HNF4G: variants seen among roughly 807,000 people sequenced by gnomAD.
The protein encoded by HNF4G is hepatocyte nuclear factor 4-gamma.
Under a neutral mutation model 50.9 loss-of-function variants are expected in HNF4G, and 21 were observed. The ratio of observed to expected loss-of-function variants is 0.41; its 90% CI spans 0.29 to 0.59. The LOEUF (loss-of-function observed/expected upper bound fraction) is 0.59. Ranked by LOEUF, HNF4G falls within the 20% of genes least tolerant of loss-of-function variation. The pLI, the probability that HNF4G is intolerant of heterozygous loss-of-function variation, is 0.26. For synonymous variants in HNF4G, 198 were observed against 185.6 expected (o/e 1.07, Z -0.54); for missense variants, 527 against 559.4 (o/e 0.94, Z 0.58).
chr8:75,426,126 C>G (rs1229430185), intron 1 of HNF4G, among the ~76,000 whole-genome samples: 1 of 152,192 alleles, frequency 6.6e-6, no homozygotes, highest in Non-Finnish European at 1.5e-5. Flanking sequence ...CATTTCCTTT[C>G]TTTCCGTATA....
chr8:75,540,966 G>A (rs1309494230), intron 1 of HNF4G, among the ~76,000 whole-genome samples: 1 of 151,294 alleles, frequency 6.6e-6, no homozygotes, highest in African/African-American at 2.4e-5. Context: ...CTGGTGTTCT[G>A]GTTCTATTTT....
chr8:75,551,245 G>C, intron 3 of HNF4G, 143 bp from the exon 4 acceptor site: 1 of 557,028 alleles, frequency 1.8e-6, no homozygotes, highest in Non-Finnish European at 3.2e-6. Context: ...GAAAGTAGTG[G>C]AGAATGAAAA....
intron 1 of HNF4G, among the ~76,000 whole-genome samples, chr8:75,481,300 T>C (rs1812371468): frequency 6.6e-6 from 1 of 152,190 alleles, no homozygotes; most frequent in Non-Finnish European, 1.5e-5. Flanking sequence ...GGAGTTACCA[T>C]ACAAATTTTG....
chr8:75,443,076 T>A (rs1444778078), intron 1 of HNF4G, among the ~76,000 whole-genome samples: 1 of 152,132 alleles, frequency 6.6e-6, no homozygotes, highest in African/African-American at 2.4e-5. Context: ...CCTTCGAGAA[T>A]GGGATTAGTT....
intron 1 of HNF4G, among the ~76,000 whole-genome samples, chr8:75,430,397 T>C (rs996169026): frequency 1.3e-5 from 2 of 151,846 alleles, no homozygotes; most frequent in East Asian, 1.9e-4. Context: ...TACAAATACC[T>C]CTGCATGAAT....
intron 1 of HNF4G, among the ~76,000 whole-genome samples, chr8:75,488,419 G>A (rs6991842): frequency 0.16 from 23,990 of 151,802 alleles, 3,165 homozygotes; most frequent in African/African-American, 0.36. Flanking sequence ...GACTACAGGC[G>A]TGTGCCACCA....
At chr8:75,486,811 C>T (rs902681260) in intron 1 of HNF4G, among the ~76,000 whole-genome samples, 9 of 151,928 alleles carry the variant, frequency 5.9e-5, no homozygotes, top group Non-Finnish European at 1.0e-4. Context: ...TGAGACCACC[C>T]GGGCAACAGA....
chr8:75,547,952 G>C (rs1449966368), intron 3 of HNF4G, among the ~76,000 whole-genome samples: 1 of 151,430 alleles, frequency 6.6e-6, no homozygotes, highest in East Asian at 1.9e-4. Flanking sequence ...TTGACTAAAT[G>C]GTATACCAAT....
chr8:75,531,738 G>A (rs1176528605), intron 2 of HNF4G, among the ~76,000 whole-genome samples: 1 of 151,864 alleles, frequency 6.6e-6, no homozygotes, highest in African/African-American at 2.4e-5. Flanking sequence ...CATTGTATTA[G>A]GTACTCTAAA....
Position 75,564,071 on chromosome 8 carries a change from A to G in HNF4G, c.1343A>G (p.His448Arg). 1.2e-6 allele frequency: 2 copies of G among 1,613,610 alleles called. No homozygotes were observed. The highest frequency in any genetic ancestry group is 8.5e-7 in the Non-Finnish European group (1 of 1,179,636). ...ANQASVISHQHLSKQKQL is the reference protein window; with the variant it reads ...ANQASVISHQRLSKQKQL ...CAAGCATCAGTCATTTCACACCAGCATCTCTCCAAACAAAAGCAATTGTGA... is the reference window on the plus strand; with the variant it reads ...CAAGCATCAGTCATTTCACACCAGCGTCTCTCCAAACAAAAGCAATTGTGA... Residue 448 changes from histidine (H) to arginine (R), a missense_variant, in exon 10 of 10, where the codon CAT becomes CGT. Around this residue, in one of 5 missense-constraint regions of HNF4G, gnomAD observed 308 missense variants for 301.5 expected, o/e 1.02. Coordinates refer to ENST00000396423, the MANE Select transcript of HNF4G (RefSeq NM_004133.5).
At chr8:75,485,949 G>A (rs1171759753) in intron 1 of HNF4G, 1 of 152,162 alleles carries the variant, frequency 6.6e-6, no homozygotes, top group African/African-American at 2.4e-5. Flanking sequence ...AAGTCATACT[G>A]CCGACACAGA....
chr8:75,428,904 T>C (rs966783130), intron 1 of HNF4G, among the ~76,000 whole-genome samples: 1 of 152,030 alleles, frequency 6.6e-6, no homozygotes, highest in African/African-American at 2.4e-5. Context: ...AAAAATGGAT[T>C]GGGTGGAGGC....
chr8:75,544,191 G>A (rs917932530), intron 2 of HNF4G, among the ~76,000 whole-genome samples: 1 of 152,138 alleles, frequency 6.6e-6, no homozygotes, highest in Non-Finnish European at 1.5e-5. Flanking sequence ...CTTACAGAAG[G>A]TATATAAAAA....
intron 6 of HNF4G, 42 bp from the exon 7 acceptor site, chr8:75,558,476 G>T: frequency 6.3e-7 from 1 of 1,575,490 alleles, no homozygotes; most frequent in East Asian, 2.2e-5. Flanking sequence ...GGGGAGACAG[G>T]TGGTTATTTT....
intron 9 of HNF4G, among the ~76,000 whole-genome samples, chr8:75,560,776 C>T (rs1025907981): frequency 1.3e-5 from 2 of 152,136 alleles, no homozygotes; most frequent in African/African-American, 4.8e-5. Flanking sequence ...CAAGCTGAAA[C>T]CATGCAAGGG....
intron 2 of HNF4G, among the ~76,000 whole-genome samples, chr8:75,523,550 A>G (rs1563539939): frequency 1.3e-5 from 2 of 152,210 alleles, no homozygotes; most frequent in Non-Finnish European, 2.9e-5. Context: ...ATAAACAATA[A>G]ATATAGAAGA....
chr8:75,412,448 T>G (rs1810522625), intron 1 of HNF4G, among the ~76,000 whole-genome samples: 1 of 152,230 alleles, frequency 6.6e-6, no homozygotes, highest in African/African-American at 2.4e-5. Flanking sequence ...CTGTTGAATG[T>G]TTGACACTTC....
In HNF4G at chr8:75,556,031, CAA is replaced by C; in HGVS notation, c.697_698del (p.Lys233GlufsTer6). On this transcript the variant is annotated frameshift_variant, in exon 6 of 10. Coordinates refer to ENST00000396423, the MANE Select transcript of HNF4G (RefSeq NM_004133.5). LOFTEE classifies it high-confidence loss of function. ...GGGGAGCACTTACTGCTTGGAGCTA[CAA>C]AGAGATCCATGATGTATAAAGATAT... 6.3e-7 allele frequency: 1 copy of C among 1,584,580 alleles called. No homozygotes were observed. The highest frequency in any genetic ancestry group is 8.6e-7 in the Non-Finnish European group (1 of 1,164,682).
chr8:75,507,325 T>C (rs1352808762), intron 2 of HNF4G, among the ~76,000 whole-genome samples: 3 of 151,400 alleles, frequency 2.0e-5, no homozygotes, highest in Non-Finnish European at 4.4e-5. Flanking sequence ...AGCGGCGTGA[T>C]CTTGGCTCAC....
Sources: allele counts gnomAD v4.1 joint callset (sites outside exome capture counted in the v4.1 genomes callset), GRCh38; gene constraint gnomAD v4.1.1; regional missense constraint gnomAD v4.1.1; transcripts MANE v1.5; gene names NCBI Gene and HGNC (gene_info 2026-07-23, HGNC 2026-07-21).